Variants in ZBBX observed in about 807,000 individuals in gnomAD.
ZBBX encodes the protein zinc finger B-box domain containing.
In ZBBX, 101 loss-of-function variants were observed where a neutral mutation model predicts 108.5. The ratio of observed to expected loss-of-function variants is 0.93; its 90% CI spans 0.79 to 1.10. The LOEUF (loss-of-function observed/expected upper bound fraction) is 1.10. ZBBX is among the 50% of genes least tolerant of loss of function. The pLI, the probability that ZBBX is intolerant of heterozygous loss-of-function variation, is 0.00. For missense variants in ZBBX, 1,009 were observed against 941.4 expected (o/e 1.07, Z -0.94); for synonymous variants, 356 against 323.4 (o/e 1.10, Z -1.08).
intron 20 of ZBBX, among the ~76,000 whole-genome samples, chr3:167,276,626 C>G (rs1337798177): frequency 2.0e-5 from 3 of 152,174 alleles, no homozygotes; most frequent in South Asian, 4.1e-4. Context: ...GACTGGTGTA[C>G]CTGAAAGTGA....
chr3:167,323,756 A>G (rs1396728563), intron 11 of ZBBX, among the ~76,000 whole-genome samples: 5 of 152,110 alleles, frequency 3.3e-5, no homozygotes, highest in Non-Finnish European at 7.4e-5. Context: ...CTGATGGGAA[A>G]GTATGCCTAA....
chr3:167,281,708 T>C (rs1728840980), intron 20 of ZBBX, among the ~76,000 whole-genome samples: 1 of 152,306 alleles, frequency 6.6e-6, no homozygotes, highest in Middle Eastern at 3.4e-3. Flanking sequence ...CAAGATGTGG[T>C]TTGCCAACTA....
intron 20 of ZBBX, among the ~76,000 whole-genome samples, chr3:167,248,806 G>A (rs890067242): frequency 4.6e-5 from 7 of 152,214 alleles, no homozygotes; most frequent in African/African-American, 1.7e-4. Context: ...TTTGCTGAAA[G>A]CAGGGAGAAA....
In ZBBX at chr3:167,368,448, G is replaced by T; in HGVS notation, c.182+13C>A. 1 of 1,574,346 alleles carries T rather than the reference G, an allele frequency of 6.4e-7. No homozygotes were observed. The highest frequency in any genetic ancestry group is 8.7e-7 in the Non-Finnish European group (1 of 1,145,118). The stretch of plus-strand genomic sequence containing the variant: ...AGTTGATTCATCTAAAATTCTCTAA[G>T]AGTTTCACTCACTCTCTATCTTCCT... On this transcript the variant is annotated intron_variant, in intron 5 of 21. Transcript: ENST00000675490.
chr3:167,268,500 T>C (rs1725964528), intron 20 of ZBBX, among the ~76,000 whole-genome samples: 1 of 151,726 alleles, frequency 6.6e-6, no homozygotes, highest in Non-Finnish European at 1.5e-5. Context: ...GAGATGATAA[T>C]AAAGAGAATT....
upstream of ZBBX, among the ~76,000 whole-genome samples, chr3:167,384,999 A>T (rs1266542399): frequency 6.6e-6 from 1 of 152,082 alleles, no homozygotes; most frequent in African/African-American, 2.4e-5. Flanking sequence ...CACATGATGG[A>T]GTCTTTAGAA....
intron 20 of ZBBX, among the ~76,000 whole-genome samples, chr3:167,270,713 C>A (rs888192229): frequency 5.3e-5 from 8 of 152,206 alleles, no homozygotes; most frequent in African/African-American, 1.9e-4. Context: ...TGACTGCAAG[C>A]ACACCCCACG....
At chr3:167,343,881 A>G (rs57383621) in intron 9 of ZBBX, among the ~76,000 whole-genome samples, 2,325 of 152,080 alleles carry the variant, frequency 0.015, 71 homozygotes, top group African/African-American at 0.053. Flanking sequence ...TCTAGCCAAG[A>G]TAACTAAAAA....
intron 10 of ZBBX, among the ~76,000 whole-genome samples, chr3:167,333,489 A>C (rs1739011474): frequency 6.6e-6 from 1 of 152,134 alleles, no homozygotes; most frequent in South Asian, 2.1e-4. Context: ...CTCTGAATGA[A>C]GTCCTGACTA....
At chr3:167,390,612 C>T (rs1394159270) in intron 1 of ZBBX, among the ~76,000 whole-genome samples, 1 of 151,572 alleles carries the variant, frequency 6.6e-6, no homozygotes. Context: ...ATTGATTCTT[C>T]CTATCCATGA....
chr3:167,324,764 C>G (rs750018647), intron 11 of ZBBX, among the ~76,000 whole-genome samples: 2 of 152,130 alleles, frequency 1.3e-5, no homozygotes, highest in African/African-American at 4.8e-5. Context: ...CATTCCCCTC[C>G]AGTCATCTTC....
chr3:167,406,724 A>T (rs1412868574), intron 1 of ZBBX, among the ~76,000 whole-genome samples: 1 of 152,210 alleles, frequency 6.6e-6, no homozygotes, highest in Non-Finnish European at 1.5e-5. Flanking sequence ...TTTGATCGCA[A>T]ATGAGTAAGC....
At chr3:167,224,028 G>C in the ZBBX span, among the ~76,000 whole-genome samples, 1 of 151,888 alleles carries the variant, frequency 6.6e-6, no homozygotes, top group African/African-American at 2.4e-5. Context: ...CGATCTGCTT[G>C]GCAGACATGC....
chr3:167,307,151 T>C (rs534406197), intron 16 of ZBBX, among the ~76,000 whole-genome samples: 7 of 151,802 alleles, frequency 4.6e-5, no homozygotes, highest in Non-Finnish European at 7.4e-5. Flanking sequence ...GAACCATATA[T>C]AACAAACCCA....
chr3:167,268,653 G>C (rs184785998), intron 20 of ZBBX, among the ~76,000 whole-genome samples: 1 of 152,038 alleles, frequency 6.6e-6, no homozygotes, highest in Admixed American at 6.6e-5. Flanking sequence ...GACCCCCTTG[G>C]ACAAGGAATG....
At chr3:167,287,330 C>A (rs1486765578) in intron 19 of ZBBX, among the ~76,000 whole-genome samples, 1 of 152,042 alleles carries the variant, frequency 6.6e-6, no homozygotes. Flanking sequence ...ATTAGCATAA[C>A]ACGGAGTTGT....
At chr3:167,329,910 T>C (rs73028630) in intron 10 of ZBBX, among the ~76,000 whole-genome samples, 3,427 of 152,296 alleles carry the variant, frequency 0.023, 134 homozygotes, top group African/African-American at 0.078. Context: ...AATTAAAATG[T>C]TACAGACATT....
chr3:167,288,535 T>A (rs533640145), intron 19 of ZBBX, among the ~76,000 whole-genome samples: 1 of 152,310 alleles, frequency 6.6e-6, no homozygotes, highest in African/African-American at 2.4e-5. Context: ...GGTATAAACA[T>A]ACTGCTTCCT....
At chr3:167,360,482 T>G (rs144475665) in intron 7 of ZBBX, among the ~76,000 whole-genome samples, 193 bp downstream of exon 7, 2,331 of 151,968 alleles carry the variant, frequency 0.015, 55 homozygotes, top group African/African-American at 0.053. Flanking sequence ...ATGTACTAAG[T>G]TTACATTTTT....
Sources: gnomAD v4.1 joint callset for allele counts (sites outside exome capture counted in the v4.1 genomes callset) on GRCh38, gnomAD v4.1.1 for gene constraint, MANE v1.5 for transcripts, NCBI Gene and HGNC (gene_info 2026-07-23, HGNC 2026-07-21) for gene names.